Variants in ZFAT observed in about 807,000 individuals in gnomAD.
The protein encoded by ZFAT is zinc finger and AT-hook domain containing, also known as zinc finger protein ZFAT.
Under a neutral mutation model 117.7 loss-of-function variants are expected in ZFAT, and 64 were observed. The ratio of observed to expected loss-of-function variants is 0.54; its 90% CI spans 0.44 to 0.67. The LOEUF (loss-of-function observed/expected upper bound fraction) is 0.67. Among genes scored for constraint, ZFAT ranks in the 30% least tolerant of loss-of-function variants. ZFAT has a pLI of 0.00. For synonymous variants in ZFAT, 679 were observed against 615.0 expected (o/e 1.10, Z -1.54); for missense variants, 1,433 against 1,584.5 (o/e 0.90, Z 1.62).
intron 1 of ZFAT, among the ~76,000 whole-genome samples, chr8:134,658,337 C>CAAAAAAAAAAAAA (rs34770848): frequency 8.5e-5 from 10 of 117,982 alleles, no homozygotes; most frequent in South Asian, 2.8e-4. Context: ...ATTCTGTCTC[C>CAAAAAAAAAAAAA]AAAAAAAAAA....
In ZFAT at chr8:134,509,774, C is replaced by T. The variant is rs143085332; in HGVS notation, c.3362-25G>A. 79 of 1,578,378 alleles carry T rather than the reference C, an allele frequency of 5.0e-5. No individual in the cohort carries two copies. The African/African-American group carries it at 9.6e-4, about 19-fold the overall frequency. On this transcript the variant is annotated intron_variant, in intron 14 of 15. Transcript: ENST00000377838. ...CCTTAAGAGGAAGAAGCAAAGAGGA[C>T]ACCATTCAGGCCACTGGTGCTGAAG...
At chr8:134,536,724 C>T (rs1250639274) in intron 11 of ZFAT, among the ~76,000 whole-genome samples, 1 of 152,154 alleles carries the variant, frequency 6.6e-6, no homozygotes, top group African/African-American at 2.4e-5. Context: ...GAATACATGG[C>T]AAATGAGGCA....
chr8:134,480,583 G>A (rs1180932670), intron 15 of ZFAT, among the ~76,000 whole-genome samples: 1 of 152,262 alleles, frequency 6.6e-6, no homozygotes. Context: ...TGACTGTGCT[G>A]TGGAGTAGCT....
Position 134,602,196 on chromosome 8 carries a change from T to C in ZFAT, c.1523A>G (p.Gln508Arg), listed in dbSNP as rs917115373. Residue 508 changes from glutamine (Q) to arginine (R), a missense_variant, in exon 6 of 16, where the codon CAG becomes CGG. This residue lies in a region of ZFAT where 372 missense variants were observed against 355.6 expected (regional missense o/e 1.05). Coordinates refer to ENST00000377838, the MANE Select transcript of ZFAT (RefSeq NM_020863.4). Reference sequence around the variant, plus strand: ...TAGCTGGTCCCCCAGAGCTTCTTGCTGGATGTCCCCACCAGGTTCCAGGAG... The same window carrying C: ...TAGCTGGTCCCCCAGAGCTTCTTGCCGGATGTCCCCACCAGGTTCCAGGAG... ...FCLLEPGGDI[Q>R]QEALGDQLQL... is the part of the protein sequence containing the mutation. 2.2e-5 allele frequency: 36 copies of C among 1,613,412 alleles called. No homozygotes were observed. The highest frequency in any genetic ancestry group is 3.1e-5 in the Non-Finnish European group (36 of 1,180,010).
chr8:134,550,325 A>AAAAACAACAAC (rs1554643708), intron 11 of ZFAT, among the ~76,000 whole-genome samples: 2 of 150,536 alleles, frequency 1.3e-5, no homozygotes, highest in African/African-American at 5.0e-5. Flanking sequence ...AAAAAAAAAA[A>AAAAACAACAAC]AAAAAAACAG....
the ZFAT span, among the ~76,000 whole-genome samples, chr8:134,743,049 G>C: frequency 6.6e-6 from 1 of 152,246 alleles, no homozygotes; most frequent in Non-Finnish European, 1.5e-5. Flanking sequence ...GTGTGAAAGA[G>C]TGACACATAA....
chr8:134,662,225 G>A (rs1313117558), intron 1 of ZFAT, among the ~76,000 whole-genome samples: 1 of 152,070 alleles, frequency 6.6e-6, no homozygotes, highest in East Asian at 1.9e-4. Context: ...ATTCATGAAG[G>A]CCCCACCCTC....
At chr8:134,805,908 T>C in the ZFAT span, among the ~76,000 whole-genome samples, 1 of 151,860 alleles carries the variant, frequency 6.6e-6, no homozygotes, top group South Asian at 2.1e-4. Context: ...GCTTGGGAGG[T>C]GGAGGCTGCA....
chr8:134,767,285 A>G, the ZFAT span: 1 of 152,278 alleles, frequency 6.6e-6, no homozygotes, highest in East Asian at 1.9e-4. Flanking sequence ...TCTCATCATG[A>G]CTGTGGATTT....
intron 10 of ZFAT, among the ~76,000 whole-genome samples, chr8:134,570,986 A>C (rs1030875571): frequency 1.3e-5 from 2 of 152,216 alleles, no homozygotes; most frequent in Non-Finnish European, 2.9e-5. Flanking sequence ...GTAAGGAAGC[A>C]GAGAGGACCA....
chr8:134,831,740 G>A, the ZFAT span, among the ~76,000 whole-genome samples: 1 of 151,802 alleles, frequency 6.6e-6, no homozygotes, highest in African/African-American at 2.4e-5. Context: ...TGTCGCCGCG[G>A]CTGCACTCCA....
At chr8:134,680,472 T>C (rs1313895631) in intron 1 of ZFAT, among the ~76,000 whole-genome samples, 1 of 152,098 alleles carries the variant, frequency 6.6e-6, no homozygotes, top group African/African-American at 2.4e-5. Context: ...ATTAACATAT[T>C]TGAGTACCTT....
chr8:134,825,356 C>T, the ZFAT span, among the ~76,000 whole-genome samples: 1 of 152,162 alleles, frequency 6.6e-6, no homozygotes, highest in African/African-American at 2.4e-5. Context: ...TTACCTTTAC[C>T]CCCTTCCCTC....
At chr8:134,670,405 T>C (rs1832498155) in intron 1 of ZFAT, among the ~76,000 whole-genome samples, 1 of 152,270 alleles carries the variant, frequency 6.6e-6, no homozygotes, top group South Asian at 2.1e-4. Context: ...AAACTGTCTC[T>C]CAGACCACAG....
At chr8:134,650,709 G>A (rs1353398860) in intron 2 of ZFAT, among the ~76,000 whole-genome samples, 5 of 152,106 alleles carry the variant, frequency 3.3e-5, no homozygotes, top group East Asian at 1.9e-4. Context: ...TAGAAGAGAC[G>A]TATTGATCAA....
At chr8:134,562,373 T>C (rs1417779947) in intron 11 of ZFAT, among the ~76,000 whole-genome samples, 18 of 152,320 alleles carry the variant, frequency 1.2e-4, no homozygotes, top group Admixed American at 9.1e-4. Flanking sequence ...GGTGGTAATC[T>C]GTTACAGGAG....
At chr8:134,691,917 C>A (rs926211846) in intron 1 of ZFAT, among the ~76,000 whole-genome samples, 1 of 152,186 alleles carries the variant, frequency 6.6e-6, no homozygotes, top group Non-Finnish European at 1.5e-5. Context: ...ACTTAAGAAA[C>A]CCTGAGAATA....
chr8:134,653,420 T>C (rs895352487), intron 2 of ZFAT, among the ~76,000 whole-genome samples: 1 of 19,028 alleles, frequency 5.3e-5, no homozygotes, highest in African/African-American at 2.1e-4. Flanking sequence ...GTTTTATCTG[T>C]TTTTTTTTTT....
chr8:134,594,209 G>A (rs1411247722), intron 7 of ZFAT, among the ~76,000 whole-genome samples: 1 of 152,186 alleles, frequency 6.6e-6, no homozygotes, highest in Non-Finnish European at 1.5e-5. Flanking sequence ...CCTAAATGGA[G>A]CAACACAGAA....
Sources: allele counts gnomAD v4.1 joint callset (sites outside exome capture counted in the v4.1 genomes callset), GRCh38; gene constraint gnomAD v4.1.1; regional missense constraint gnomAD v4.1.1; transcripts MANE v1.5; gene names NCBI Gene and HGNC (gene_info 2026-07-23, HGNC 2026-07-21).